GET1: variants seen among roughly 807,000 people sequenced by gnomAD.
The protein encoded by GET1 is guided entry of tail-anchored proteins factor 1.
In GET1, 20 loss-of-function variants were observed where a neutral mutation model predicts 22.6. The ratio of observed to expected loss-of-function variants is 0.89; its 90% CI spans 0.62 to 1.29. The LOEUF is 1.29. Ranked by LOEUF, GET1 falls within the 50% of genes most tolerant of loss-of-function variation. GET1 has a pLI of 0.00. For missense variants in GET1, 209 were observed against 219.9 expected, an observed-to-expected ratio of 0.95 and a Z score of 0.31; for synonymous variants, 92 against 83.8, an observed-to-expected ratio of 1.10 and a Z score of -0.53.
downstream of GET1, chr21:39,410,398 C>A: frequency 8.9e-7 from 1 of 1,122,038 alleles, no homozygotes; most frequent in Non-Finnish European, 1.3e-6. Context: ...ATGTAAGAAA[C>A]ATATTTTACA....
chr21:39,391,589 T>A, intron 2 of GET1, 180 bp from the exon 3 acceptor site: 3 of 582,068 alleles, frequency 5.2e-6, no homozygotes, highest in Non-Finnish European at 8.8e-6. Context: ...TTTTAAATAA[T>A]GGCATAATGA....
chr21:39,382,695 C>T (rs1236817418), intron 1 of GET1, among the ~76,000 whole-genome samples: 1 of 152,206 alleles, frequency 6.6e-6, no homozygotes, highest in Non-Finnish European at 1.5e-5. Context: ...TACCTTTTGA[C>T]TATTGTAGAT....
downstream of GET1, among the ~76,000 whole-genome samples, chr21:39,399,390 T>G (rs2038783252): frequency 6.6e-6 from 1 of 152,176 alleles, no homozygotes; most frequent in African/African-American, 2.4e-5. Flanking sequence ...GTGCTTTTGT[T>G]TTTTGCATAT....
intron 4 of GET1, among the ~76,000 whole-genome samples, chr21:39,396,527 C>CA (rs572069745): frequency 1.4e-3 from 197 of 139,340 alleles, no homozygotes; most frequent in Non-Finnish European, 2.6e-3. Context: ...GACTCTGTCT[C>CA]AAAAAAAAAA....
intron 4 of GET1, among the ~76,000 whole-genome samples, chr21:39,403,547 G>A (rs920880203): frequency 1.2e-4 from 15 of 120,556 alleles, no homozygotes; most frequent in East Asian, 8.2e-4. Context: ...GGATGGTCTC[G>A]ATCTGACTTC....
intron 3 of GET1, 123 bp from the exon 4 acceptor site, chr21:39,393,043 A>G (rs1332521187): frequency 4.2e-6 from 3 of 717,088 alleles, no homozygotes; most frequent in East Asian, 5.3e-5. Flanking sequence ...CTGGGTTCCT[A>G]GGCTTGAGGT....
Position 39,380,545 on chromosome 21 carries a change from G to T in GET1, c.102+59G>T. On this transcript the variant is annotated intron_variant, in intron 1 of 4. Transcript: ENST00000649170. ...GGGATGCCGCCCCAGTCCCCCGGCG[G>T]GTCTGGCGTAGGTACAGGGGTCTCA... The T allele has an allele frequency of 7.0e-6, 11 of 1,568,172 alleles. No individual in the cohort carries two copies. In the South Asian group the frequency reaches 1.2e-4, roughly 16 times the overall value.
At chr21:39,401,012 G>A (rs1266981895), downstream of GET1, among the ~76,000 whole-genome samples, 1 of 151,828 alleles carries the variant, frequency 6.6e-6, no homozygotes, top group Non-Finnish European at 1.5e-5. Flanking sequence ...CTGGTCTCAA[G>A]TGATCCTCCA....
At chr21:39,403,228 C>G (rs1438925692) in intron 4 of GET1, among the ~76,000 whole-genome samples, 2 of 152,226 alleles carry the variant, frequency 1.3e-5, no homozygotes, top group Non-Finnish European at 2.9e-5. Flanking sequence ...TCCCTTACTC[C>G]TTCCGTCCTC....
At chr21:39,401,037 AG>A (rs1328723592), downstream of GET1, among the ~76,000 whole-genome samples, 1 of 151,656 alleles carries the variant, frequency 6.6e-6, no homozygotes, top group Admixed American at 6.6e-5. Context: ...TGGCCTCCTG[AG>A]TAGCTGGGAT....
At chr21:39,380,583 A>C in intron 1 of GET1, 97 bp downstream of exon 1, 1 of 1,528,926 alleles carries the variant, frequency 6.5e-7, no homozygotes, top group South Asian at 1.2e-5. Flanking sequence ...TGGGCGACTG[A>C]AGGCCGTAGT....
intron 1 of GET1, among the ~76,000 whole-genome samples, chr21:39,417,913 C>T (rs1184489926): frequency 6.6e-6 from 1 of 152,048 alleles, no homozygotes; most frequent in Non-Finnish European, 1.5e-5. Flanking sequence ...CTACAGGTGC[C>T]CGCCACCATG....
intron 1 of GET1, chr21:39,411,885 C>A: frequency 1.4e-6 from 1 of 716,076 alleles, no homozygotes; most frequent in Admixed American, 2.5e-5. Flanking sequence ...TTTAAATGAG[C>A]TCAGTATCCT....
At chr21:39,428,499 A>G (rs1187562434) in exon 2 of GET1, 6 of 1,510,090 alleles carry the variant, frequency 4.0e-6, no homozygotes. Flanking sequence ...GACATAGCAA[A>G]CAACCTAATA....
At chr21:39,406,421 TTTCTC>T (rs775472187) in exon 5 of GET1, 15 of 1,614,190 alleles carry the variant, frequency 9.3e-6, no homozygotes, top group East Asian at 4.5e-5. Flanking sequence ...CTTTTAAACT[TTTCTC>T]TTACTAGAAC....
intron 1 of GET1, chr21:39,423,425 G>T: frequency 6.3e-7 from 1 of 1,598,612 alleles, no homozygotes. Context: ...GCAATCATAT[G>T]GATTTGAGAA....
At chr21:39,385,809 G>A (rs2037850858) in intron 1 of GET1, among the ~76,000 whole-genome samples, 1 of 152,138 alleles carries the variant, frequency 6.6e-6, no homozygotes, top group Non-Finnish European at 1.5e-5. Context: ...CTGCACAGGT[G>A]CCCCAGGACT....
At chr21:39,420,567 C>T (rs1266948803) in intron 1 of GET1, 1 of 475,196 alleles carries the variant, frequency 2.1e-6, no homozygotes, top group African/African-American at 2.0e-5. Context: ...GGATGGGGGC[C>T]CAGGCCCCCT....
chr21:39,387,713 AT>A (rs2038007444), intron 1 of GET1: 7 of 860,224 alleles, frequency 8.1e-6, no homozygotes, highest in Non-Finnish European at 9.6e-6. Flanking sequence ...CTTTTGCCTC[AT>A]CACGCAGGCG....
Sources: allele counts gnomAD v4.1 joint callset (sites outside exome capture counted in the v4.1 genomes callset), GRCh38; gene constraint gnomAD v4.1.1; transcripts MANE v1.5; gene names NCBI Gene and HGNC (gene_info 2026-07-23, HGNC 2026-07-21).